Variants in DSE observed in about 807,000 individuals in gnomAD.
DSE encodes dermatan-sulfate epimerase.
A neutral mutation model predicts 84.4 loss-of-function variants in DSE; 36 were observed. That is an observed-to-expected ratio of 0.43 (90% CI 0.33 to 0.56). The LOEUF is 0.56. DSE is among the 20% of genes least tolerant of loss of function. DSE has a pLI of 0.06. For missense variants in DSE, 862 were observed against 1,169.6 expected (o/e 0.74, Z 3.84); for synonymous variants, 410 against 430.1 (o/e 0.95, Z 0.58).
At chr6:116,342,159 C>T (rs1026447650) in intron 2 of DSE, among the ~76,000 whole-genome samples, 2 of 151,708 alleles carry the variant, frequency 1.3e-5, no homozygotes, top group Non-Finnish European at 2.9e-5. Context: ...ATATGGGTCA[C>T]GTAATCTTGG....
intron 1 of DSE, among the ~76,000 whole-genome samples, chr6:116,374,620 A>G (rs1779808967): frequency 6.6e-6 from 1 of 152,150 alleles, no homozygotes; most frequent in South Asian, 2.1e-4. Context: ...ACAGTTATGG[A>G]GCCCAAGTCC....
At position 116,399,370 on chromosome 6, in the gene DSE, C is replaced by T. The variant is rs75392879; in HGVS notation, c.120C>T (p.Tyr40=). 73 of 1,614,114 alleles carry T rather than the reference C, an allele frequency of 4.5e-5. No homozygotes were observed. The highest frequency in any genetic ancestry group is 3.3e-4 in the Middle Eastern group (2 of 6,062). The change falls in exon 2 of 6, where the codon TAC becomes TAT. Residue 40 remains tyrosine (Y), a synonymous_variant. Coordinates refer to ENST00000644252, the MANE Select transcript of DSE (RefSeq NM_013352.4). ...TGATTCCCTTCACCAATGCCAACTA[C>T]GACAGCCATCCCATGCTGTACTTCT... is the stretch of plus-strand genomic sequence containing the variant. ...EVMIPFTNAN[Y]DSHPMLYFSR... is the part of the protein sequence containing the mutation.
intron 1 of DSE, among the ~76,000 whole-genome samples, chr6:116,374,178 A>G (rs989166905): frequency 1.9e-4 from 29 of 152,148 alleles, no homozygotes; most frequent in Non-Finnish European, 3.5e-4. Context: ...TTCAGAAGAA[A>G]CTCCCAAAAG....
intron 2 of DSE, among the ~76,000 whole-genome samples, chr6:116,414,786 G>A (rs962845347): frequency 7.2e-5 from 11 of 152,174 alleles, no homozygotes; most frequent in African/African-American, 2.7e-4. Context: ...TTTTCAATGT[G>A]TGTACAACTC....
intron 4 of DSE, among the ~76,000 whole-genome samples, chr6:116,432,004 C>T (rs887615786): frequency 2.6e-5 from 4 of 152,130 alleles, no homozygotes; most frequent in Admixed American, 6.5e-5. Flanking sequence ...TGGTAGTATA[C>T]ATACAGATTA....
At chr6:116,260,674 G>C (rs1772376619) in intron 2 of DSE, among the ~76,000 whole-genome samples, 1 of 152,134 alleles carries the variant, frequency 6.6e-6, no homozygotes, top group Admixed American at 6.6e-5. Context: ...GTATAAGGAA[G>C]GGGTCCAGTT....
rs965439987 is a variant in DSE at position 116,441,047 on chromosome 6, C to T, written c.*3702C>T. On this transcript the variant is annotated 3_prime_UTR_variant, in exon 6 of 6. Coordinates refer to ENST00000644252, the MANE Select transcript of DSE (RefSeq NM_013352.4). Reference sequence around the variant, plus strand: ...TTTATTTAATTTACTGGCAAAATGACGTATTTTTTTTTCAGCAATGTTTCA... The same window carrying T: ...TTTATTTAATTTACTGGCAAAATGATGTATTTTTTTTTCAGCAATGTTTCA... The T allele has an allele frequency of 6.6e-6, 1 of 151,998 alleles. No homozygotes were observed. The highest frequency in any genetic ancestry group is 1.5e-5 in the Non-Finnish European group (1 of 67,994). 9.4% of individuals were successfully genotyped at this position (151,998 alleles called of 1,614,324 possible).
intron 2 of DSE, among the ~76,000 whole-genome samples, chr6:116,412,027 A>G (rs951739145): frequency 1.3e-5 from 2 of 152,258 alleles, no homozygotes; most frequent in South Asian, 2.1e-4. Context: ...GGAGATAACT[A>G]TACCCCACAA....
At chr6:116,367,547 GACA>G (rs1006056937), upstream of DSE, among the ~76,000 whole-genome samples, 1 of 152,244 alleles carries the variant, frequency 6.6e-6, no homozygotes, top group South Asian at 2.1e-4. Flanking sequence ...AACTAAGGAC[GACA>G]ACAACAAAAA....
chr6:116,328,949 A>G (rs1776788750), intron 2 of DSE, among the ~76,000 whole-genome samples: 1 of 152,160 alleles, frequency 6.6e-6, no homozygotes, highest in Non-Finnish European at 1.5e-5. Context: ...TAATAATAAA[A>G]GCCAGTTCTG....
In DSE at chr6:116,410,733, C is replaced by CA. The variant is rs765969508; in HGVS notation, c.416+11100dup. ...TGGGCGACAGAGCGAGACTCTGTCT[C>CA]AAAAAAAAAAAAAAAAAAAAAAAAA... On this transcript the variant is annotated intron_variant, in intron 2 of 5. Transcript: ENST00000644252. 5.5e-3 allele frequency among the ~76,000 whole-genome samples: 436 copies of CA among 79,526 alleles called. 24 individuals carry two copies. The highest frequency in any genetic ancestry group is 9.9e-3 in the African/African-American group (167 of 16,894). The allele number at this position is 79,526 out of a possible 152,430, so 52.2% of individuals were successfully genotyped here.
chr6:116,394,365 A>T (rs1469713914), intron 1 of DSE, among the ~76,000 whole-genome samples: 1 of 152,166 alleles, frequency 6.6e-6, no homozygotes, highest in Non-Finnish European at 1.5e-5. Context: ...CGTAATGCTA[A>T]ACTTGGACTG....
chr6:116,341,808 T>A (rs1451027542), intron 2 of DSE, among the ~76,000 whole-genome samples: 1 of 152,234 alleles, frequency 6.6e-6, no homozygotes, highest in African/African-American at 2.4e-5. Context: ...GTTGTAGATG[T>A]GTGCTATTAT....
rs1035128015 is a variant in DSE at position 116,440,674 on chromosome 6, A to T, written c.*3329A>T. On this transcript the variant is annotated 3_prime_UTR_variant, in exon 6 of 6. Coordinates refer to ENST00000644252, the MANE Select transcript of DSE (RefSeq NM_013352.4). Reference sequence around the variant, plus strand: ...TATCTTCCGACTGGAGATACCTTTGAGAGTTAAAGGAGGAGCAATTAATTG... The same window carrying T: ...TATCTTCCGACTGGAGATACCTTTGTGAGTTAAAGGAGGAGCAATTAATTG... The T allele has an allele frequency of 3.9e-5, 6 of 152,248 alleles. No individual in the cohort carries two copies. Among genetic ancestry groups the T allele is most frequent in the African/African-American group, 1.4e-4 (6 of 41,464 alleles). 9.4% of individuals were successfully genotyped at this position (152,248 alleles called of 1,614,324 possible).
intron 1 of DSE, among the ~76,000 whole-genome samples, chr6:116,389,721 TA>T (rs1780774069): frequency 6.6e-6 from 1 of 152,232 alleles, no homozygotes; most frequent in African/African-American, 2.4e-5. Flanking sequence ...CTTTATTTTT[TA>T]GTCAGTAATG....
chr6:116,427,026 G>T (rs942093752), intron 3 of DSE, among the ~76,000 whole-genome samples, 199 bp downstream of exon 3: 1 of 152,124 alleles, frequency 6.6e-6, no homozygotes, highest in Admixed American at 6.5e-5. Context: ...TAGTATATTA[G>T]CCGGCATGTT....
chr6:116,278,968 T>C (rs1773306295), intron 2 of DSE: 1 of 1,613,948 alleles, frequency 6.2e-7, no homozygotes, highest in Non-Finnish European at 8.5e-7. Context: ...GGCGGACAAC[T>C]GGGGGTGGTT....
At chr6:116,287,950 A>G (rs1011144618) in intron 2 of DSE, 1 of 152,152 alleles carries the variant, frequency 6.6e-6, no homozygotes, top group Admixed American at 6.5e-5. Context: ...GTCTTTCACT[A>G]TAAATTAAAT....
chr6:116,401,443 C>T (rs1240146097), intron 2 of DSE, among the ~76,000 whole-genome samples: 1 of 152,024 alleles, frequency 6.6e-6, no homozygotes, highest in African/African-American at 2.4e-5. Flanking sequence ...CTTAATAGAG[C>T]TGAACAGTTG....
Sources: gnomAD v4.1 joint callset for allele counts (sites outside exome capture counted in the v4.1 genomes callset) on GRCh38, gnomAD v4.1.1 for gene constraint, MANE v1.5 for transcripts, NCBI Gene and HGNC (gene_info 2026-07-23, HGNC 2026-07-21) for gene names.